The following NRG4 variants were observed in gnomAD, a reference collection of about 807,000 sequenced individuals.
NRG4 encodes the protein pro-neuregulin-4, membrane-bound isoform.
Under a neutral mutation model 15.0 loss-of-function variants are expected in NRG4, and 10 were observed. The observed-to-expected ratio is 0.67, with a 90% CI of 0.41 to 1.13. The LOEUF is 1.13. NRG4 is among the 50% of genes most tolerant of loss of function. NRG4 has a pLI of 0.00. For missense variants in NRG4, 139 were observed against 140.2 expected (o/e 0.99, Z 0.04); for synonymous variants, 41 against 50.1 (o/e 0.82, Z 0.77).
At chr15:75,937,093 A>G (rs1353713478), downstream of NRG4, 1 of 151,998 alleles carries the variant, frequency 6.6e-6, no homozygotes, top group East Asian at 1.9e-4. Context: ...TAATAAACAT[A>G]CTCTATTCAA....
At chr15:75,951,676 G>A (rs949866001) in intron 5 of NRG4, among the ~76,000 whole-genome samples, 1 of 151,996 alleles carries the variant, frequency 6.6e-6, no homozygotes, top group African/African-American at 2.4e-5. Context: ...AAGTGATGAC[G>A]TACTGCTTGA....
intron 5 of NRG4, among the ~76,000 whole-genome samples, chr15:76,019,903 T>C (rs1339362839): frequency 6.6e-6 from 1 of 152,274 alleles, no homozygotes; most frequent in African/African-American, 2.4e-5. Context: ...TATTGCACTT[T>C]GCAGATATTG....
At chr15:76,021,656 A>G (rs1296312391) in intron 5 of NRG4, among the ~76,000 whole-genome samples, 4 of 152,252 alleles carry the variant, frequency 2.6e-5, no homozygotes, top group African/African-American at 9.6e-5. Flanking sequence ...GTCTACTATT[A>G]TGAAAATGAC....
At position 75,942,882 on chromosome 15, in the gene NRG4, T is replaced by A. The variant is rs1487297000; in HGVS notation, c.*756A>T. The A allele has an allele frequency of 6.6e-6, 1 of 152,220 alleles. No homozygotes were observed. Among genetic ancestry groups the A allele is most frequent in the Non-Finnish European group, 1.5e-5 (1 of 68,056 alleles). 9.4% of individuals were successfully genotyped at this position (152,220 alleles called of 1,614,324 possible). A position where few individuals can be genotyped will look rare whatever the true frequency, so the allele number is the denominator to read the frequency against. Reference sequence around the variant, plus strand: ...ACTAAATTGTTCTGACCTAATCAGTTCTTAATATTGCACCTAAAAAGATAG... The same window carrying A: ...ACTAAATTGTTCTGACCTAATCAGTACTTAATATTGCACCTAAAAAGATAG... On this transcript the variant is annotated 3_prime_UTR_variant, in exon 6 of 6. Coordinates refer to ENST00000394907, the MANE Select transcript of NRG4 (RefSeq NM_138573.4).
intron 3 of NRG4, among the ~76,000 whole-genome samples, chr15:75,996,472 G>A (rs924033928): frequency 2.0e-5 from 3 of 152,142 alleles, no homozygotes; most frequent in African/African-American, 7.2e-5. Context: ...AATAGAGCAT[G>A]TGTGTTTAGC....
chr15:75,974,068 A>T (rs1054893366), intron 3 of NRG4, among the ~76,000 whole-genome samples: 17 of 152,094 alleles, frequency 1.1e-4, no homozygotes, highest in Admixed American at 8.5e-4. Context: ...CTATTCAGGG[A>T]TTCGACTTCT....
intron 5 of NRG4, among the ~76,000 whole-genome samples, chr15:75,947,969 T>C (rs2031636786): frequency 6.6e-6 from 1 of 152,240 alleles, no homozygotes; most frequent in South Asian, 2.1e-4. Flanking sequence ...TGGAGAAATG[T>C]CTATTCAAAT....
chr15:75,968,770 A>T (rs2032951417), intron 3 of NRG4, among the ~76,000 whole-genome samples: 1 of 152,068 alleles, frequency 6.6e-6, no homozygotes, highest in Non-Finnish European at 1.5e-5. Flanking sequence ...AAAGTCTATT[A>T]AAAAATCAGA....
intron 3 of NRG4, among the ~76,000 whole-genome samples, chr15:76,002,802 T>C (rs1015525047): frequency 6.6e-6 from 1 of 152,154 alleles, no homozygotes; most frequent in Admixed American, 6.5e-5. Flanking sequence ...CTTATGTACA[T>C]GTAATAATTA....
At chr15:75,965,320 A>C (rs1874954) in intron 3 of NRG4, among the ~76,000 whole-genome samples, 2,802 of 152,298 alleles carry the variant, frequency 0.018, 80 homozygotes, top group African/African-American at 0.063. Flanking sequence ...AGTCAAGGGA[A>C]TGGTGTAAAT....
At chr15:76,039,631 G>T (rs887148850) in intron 4 of NRG4, among the ~76,000 whole-genome samples, 1 of 152,030 alleles carries the variant, frequency 6.6e-6, no homozygotes, top group African/African-American at 2.4e-5. Context: ...GCCTCAAAAG[G>T]GCAAATCTAA....
chr15:76,015,482 C>G (rs1186622291), upstream of NRG4, among the ~76,000 whole-genome samples: 3 of 152,168 alleles, frequency 2.0e-5, no homozygotes, highest in Non-Finnish European at 4.4e-5. Context: ...GTGGGTTTGT[C>G]ATAAATAGCT....
At chr15:75,998,759 A>T (rs552300372) in intron 3 of NRG4, among the ~76,000 whole-genome samples, 2 of 152,350 alleles carry the variant, frequency 1.3e-5, no homozygotes, top group Non-Finnish European at 2.9e-5. Flanking sequence ...TGCAAAACAT[A>T]TATAATGTTA....
intron 3 of NRG4, among the ~76,000 whole-genome samples, chr15:75,971,463 G>A (rs962684826): frequency 3.3e-5 from 5 of 152,170 alleles, no homozygotes; most frequent in African/African-American, 1.2e-4. Context: ...GAGATTTTGT[G>A]TTTCTGTGTT....
At chr15:75,993,400 A>G in intron 3 of NRG4, among the ~76,000 whole-genome samples, 1 of 148,282 alleles carries the variant, frequency 6.7e-6, no homozygotes, top group East Asian at 1.9e-4. Flanking sequence ...TGTAAAAAAA[A>G]AAAAAAAAAA....
At chr15:76,042,460 AG>A (rs1567125518) in intron 4 of NRG4, among the ~76,000 whole-genome samples, 1 of 152,132 alleles carries the variant, frequency 6.6e-6, no homozygotes, top group Non-Finnish European at 1.5e-5. Flanking sequence ...ATAAAATCAG[AG>A]GTGAAAAAGG....
chr15:76,057,801 C>T (rs2036188503), intron 1 of NRG4, among the ~76,000 whole-genome samples: 1 of 150,676 alleles, frequency 6.6e-6, no homozygotes, highest in South Asian at 2.1e-4. Flanking sequence ...AATACAATGG[C>T]TATTATATTA....
intron 3 of NRG4, among the ~76,000 whole-genome samples, chr15:75,989,536 T>C (rs1416883900): frequency 6.6e-6 from 1 of 152,196 alleles, no homozygotes; most frequent in Non-Finnish European, 1.5e-5. Context: ...TTTTGGAAAG[T>C]TTTTATTGCT....
intron 5 of NRG4, among the ~76,000 whole-genome samples, chr15:76,027,870 A>C (rs2035357308): frequency 6.6e-6 from 1 of 152,216 alleles, no homozygotes; most frequent in South Asian, 2.1e-4. Flanking sequence ...CAATAAGAGA[A>C]ACATTCAAAA....
Sources: gnomAD v4.1 joint callset for allele counts (sites outside exome capture counted in the v4.1 genomes callset) on GRCh38, gnomAD v4.1.1 for gene constraint, MANE v1.5 for transcripts, NCBI Gene and HGNC (gene_info 2026-07-23, HGNC 2026-07-21) for gene names.